The following PAK3 variants were observed in gnomAD, a reference collection of about 807,000 sequenced individuals.
The protein encoded by PAK3 is serine/threonine-protein kinase PAK 3.
A neutral mutation model predicts 41.0 loss-of-function variants in PAK3; 4 were observed. That is an observed-to-expected ratio of 0.10 (90% CI 0.05 to 0.22). PAK3 has a LOEUF of 0.22. Ranked by LOEUF, PAK3 falls within the 10% of genes least tolerant of loss-of-function variation. The probability of loss-of-function intolerance (pLI) is 1.00; values close to 1 mark genes in which losing one functional copy is unlikely to be tolerated. For missense variants in PAK3, 205 were observed against 409.9 expected (o/e 0.50, Z 4.32); for synonymous variants, 146 against 139.6 (o/e 1.05, Z -0.32).
chrX:111,066,241 G>T (rs1465696305), intron 1 of PAK3, among the ~76,000 whole-genome samples: 1 of 111,598 alleles, frequency 9.0e-6, no homozygotes, highest in East Asian at 2.8e-4. Context: ...AGAGATTTTG[G>T]TATGTTTTGT....
intron 11 of PAK3, among the ~76,000 whole-genome samples, chrX:111,173,984 GA>G (rs775649074): frequency 9.0e-6 from 1 of 111,432 alleles, no homozygotes; most frequent in African/African-American, 3.3e-5. Flanking sequence ...CAGAAACAAA[GA>G]TGGCACCTCA....
chrX:111,171,985 T>G (rs2094347485), intron 10 of PAK3, among the ~76,000 whole-genome samples: 1 of 111,764 alleles, frequency 8.9e-6, no homozygotes. Context: ...TCAAACTTTG[T>G]TCTTCATTAG....
intron 1 of PAK3, among the ~76,000 whole-genome samples, chrX:111,005,331 C>T (rs1013253901): frequency 1.8e-5 from 2 of 111,347 alleles, no homozygotes; most frequent in East Asian, 2.8e-4. Flanking sequence ...TTGTCAGCTC[C>T]CCCTCAGACC....
At chrX:110,954,628 A>G (rs1004531020) in intron 1 of PAK3, among the ~76,000 whole-genome samples, 2 of 112,014 alleles carry the variant, frequency 1.8e-5, no homozygotes, top group Admixed American at 1.9e-4. Flanking sequence ...AAGCAACAAT[A>G]AAGACCAGGA....
chrX:111,051,677 G>A (rs749594185), intron 1 of PAK3, among the ~76,000 whole-genome samples: 3 of 61,332 alleles, frequency 4.9e-5, no homozygotes, highest in Admixed American at 4.7e-4. Flanking sequence ...TATGAACAAC[G>A]TGTGTTACCG....
At chrX:110,973,676 C>T (rs779240671) in intron 1 of PAK3, among the ~76,000 whole-genome samples, 3 of 111,838 alleles carry the variant, frequency 2.7e-5, no homozygotes, top group African/African-American at 6.5e-5. Flanking sequence ...AAATAACCAG[C>T]GAACATCATA....
chrX:111,058,812 T>G (rs1183337253), intron 1 of PAK3, among the ~76,000 whole-genome samples: 1 of 112,170 alleles, frequency 8.9e-6, no homozygotes, highest in Non-Finnish European at 1.9e-5. Context: ...TACATTTAGG[T>G]CTTTGACCAT....
intron 11 of PAK3, among the ~76,000 whole-genome samples, chrX:111,176,974 A>AC (rs1348394554): frequency 1.8e-5 from 2 of 108,325 alleles, no homozygotes; most frequent in Non-Finnish European, 3.8e-5. Context: ...CCAAAAAAAA[A>AC]AAAAAAACCC....
chrX:111,106,534 G>A (rs1243011034), intron 4 of PAK3, among the ~76,000 whole-genome samples: 1 of 110,912 alleles, frequency 9.0e-6, no homozygotes, highest in African/African-American at 3.3e-5. Context: ...AACTACCACT[G>A]AGATAATCAC....
chrX:111,125,919 A>T, intron 5 of PAK3, among the ~76,000 whole-genome samples: 1 of 112,109 alleles, frequency 8.9e-6, no homozygotes, highest in East Asian at 2.8e-4. Context: ...ATTGAACTCC[A>T]TACAGAACTG....
At chrX:111,086,928 A>G (rs2092889745) in intron 1 of PAK3, among the ~76,000 whole-genome samples, 1 of 111,947 alleles carries the variant, frequency 8.9e-6, no homozygotes, top group Admixed American at 9.5e-5. Flanking sequence ...TATAATTAGC[A>G]TATTGGTAAT....
At chrX:110,957,717 T>G (rs2090893785) in intron 1 of PAK3, among the ~76,000 whole-genome samples, 1 of 111,655 alleles carries the variant, frequency 9.0e-6, no homozygotes, top group South Asian at 3.8e-4. Context: ...TTGCTCATGG[T>G]GTTTTCCTAC....
At chrX:111,161,379 T>C (rs373775233) in intron 8 of PAK3, among the ~76,000 whole-genome samples, 1 of 111,269 alleles carries the variant, frequency 9.0e-6, no homozygotes, top group Non-Finnish European at 1.9e-5. Context: ...CTTTGTCAGA[T>C]GAGTAGGTTG....
At chrX:111,179,087 A>G (rs1049515628) in intron 11 of PAK3, among the ~76,000 whole-genome samples, 24 of 106,707 alleles carry the variant, frequency 2.2e-4, no homozygotes, top group African/African-American at 8.1e-4. Flanking sequence ...CATATTTAAA[A>G]CCACTTATAT....
chrX:111,110,102 G>A (rs1415361686), intron 4 of PAK3, among the ~76,000 whole-genome samples: 2 of 112,266 alleles, frequency 1.8e-5, no homozygotes, highest in South Asian at 3.7e-4. Flanking sequence ...AGCAGAGTGC[G>A]TGGGCCATGA....
intron 1 of PAK3, among the ~76,000 whole-genome samples, chrX:111,019,706 A>AAC (rs1456291529): frequency 5.9e-5 from 2 of 33,779 alleles, no homozygotes; most frequent in Non-Finnish European, 1.3e-4. Flanking sequence ...AAAAAAAAGA[A>AAC]AGAAAGAAAA....
chrX:111,220,650 CA>C lies in PAK3; in HGVS notation c.*204del. On this transcript the variant is annotated 3_prime_UTR_variant, in exon 18 of 18. Transcript: ENST00000372007. Reference sequence around the variant, plus strand: ...AGCCTGAATCGCAGCCCAAACAGGGCAGCAATGTTGAAGTGACCATAAAGTG... The same window carrying C: ...AGCCTGAATCGCAGCCCAAACAGGGCGCAATGTTGAAGTGACCATAAAGTG... The C allele has an allele frequency of 2.3e-6, 1 of 441,990 alleles. No individual in the cohort carries two copies. The highest frequency in any genetic ancestry group is 4.0e-6 in the Non-Finnish European group (1 of 251,551). The allele number at this position is 441,990 out of a possible 1,213,427, so 36.4% of individuals were successfully genotyped here. A position where few individuals can be genotyped will look rare whatever the true frequency, so the allele number is the denominator to read the frequency against.
At chrX:111,119,352 G>T (rs778954353) in intron 4 of PAK3, among the ~76,000 whole-genome samples, 3 of 112,017 alleles carry the variant, frequency 2.7e-5, no homozygotes, top group African/African-American at 9.7e-5. Flanking sequence ...ATAAACCATT[G>T]CTGGTTATCC....
intron 5 of PAK3, among the ~76,000 whole-genome samples, chrX:111,141,156 G>C (rs990281187): frequency 1.8e-5 from 2 of 111,205 alleles, no homozygotes; most frequent in African/African-American, 6.5e-5. Context: ...TTATGGAAGC[G>C]ACTAGATGCC....
Sources: allele counts gnomAD v4.1 joint callset (sites outside exome capture counted in the v4.1 genomes callset), GRCh38; gene constraint gnomAD v4.1.1; transcripts MANE v1.5; gene names NCBI Gene and HGNC (gene_info 2026-07-23, HGNC 2026-07-21).